The following TSHZ2 variants were observed in gnomAD, a reference collection of about 807,000 sequenced individuals.
The protein encoded by TSHZ2 is teashirt zinc finger homeobox 2.
A neutral mutation model predicts 74.4 loss-of-function variants in TSHZ2; 21 were observed. The observed-to-expected ratio is 0.28, with a 90% confidence interval of 0.20 to 0.41. The LOEUF (loss-of-function observed/expected upper bound fraction) is 0.41. Among genes scored for constraint, TSHZ2 ranks in the 10% least tolerant of loss-of-function variants. TSHZ2 has a pLI of 1.00. For synonymous variants in TSHZ2, 540 were observed against 515.3 expected (o/e 1.05, Z -0.65); for missense variants, 1,244 against 1,293.5 (o/e 0.96, Z 0.59).
At chr20:53,158,129 G>T (rs1422311534) in intron 1 of TSHZ2, among the ~76,000 whole-genome samples, 1 of 152,168 alleles carries the variant, frequency 6.6e-6, no homozygotes, top group Non-Finnish European at 1.5e-5. Flanking sequence ...AGTGTCCCAG[G>T]TGGAAGAAAA....
Position 53,363,879 on chromosome 20 carries a change from T to C in TSHZ2, c.*8+107308T>C, listed in dbSNP as rs6097374. Among the ~76,000 whole-genome samples the C allele has an allele frequency of 8.3e-3, 1,262 of 152,364 alleles. 21 individuals are homozygous for C. Among genetic ancestry groups the C allele is most frequent in the African/African-American group, 0.028 (1,183 of 41,574 alleles). ...AGAAACCTGATTCATAGAATCTCAT[T>C]CTTTTATTTGAGAAAGATTTATGGA... is the stretch of plus-strand genomic sequence containing the variant. On this transcript the variant is annotated intron_variant, in intron 2 of 2. Transcript: ENST00000371497.
At chr20:53,135,410 G>A (rs1361066092) in intron 1 of TSHZ2, among the ~76,000 whole-genome samples, 1 of 152,110 alleles carries the variant, frequency 6.6e-6, no homozygotes, top group Non-Finnish European at 1.5e-5. Flanking sequence ...AACCTTTGGG[G>A]ACTGGCTTCT....
chr20:52,979,850 G>A (rs534526786), intron 1 of TSHZ2, among the ~76,000 whole-genome samples: 1 of 152,282 alleles, frequency 6.6e-6, no homozygotes, highest in African/African-American at 2.4e-5. Context: ...CATAACAACA[G>A]GAAAACGCAC....
At chr20:53,109,381 T>G (rs1009725338) in intron 1 of TSHZ2, among the ~76,000 whole-genome samples, 1 of 152,160 alleles carries the variant, frequency 6.6e-6, no homozygotes. Flanking sequence ...GACCTATGCT[T>G]CTTTCTCAAT....
At chr20:53,153,090 A>G (rs1325423741) in intron 1 of TSHZ2, among the ~76,000 whole-genome samples, 3 of 152,220 alleles carry the variant, frequency 2.0e-5, no homozygotes, top group South Asian at 2.1e-4. Context: ...CAAAAATGAA[A>G]TCACCCATAA....
rs554357286 is a variant in TSHZ2, at chr20:53,441,048, A to G, written c.*9-46096A>G. On this transcript the variant is annotated intron_variant, in intron 2 of 2. Transcript: ENST00000371497. The stretch of plus-strand genomic sequence containing the variant: ...AAGCAATTGAGTGTAGAAGGTAACT[A>G]CAGGCTGCTCTGGATTGGGTGTTCC... 8.0e-4 allele frequency among the ~76,000 whole-genome samples: 122 copies of G among 152,258 alleles called. 1 individual carries two copies. Among genetic ancestry groups the G allele is most frequent in the Non-Finnish European group, 7.4e-5 (5 of 68,016 alleles).
At chr20:53,243,745 C>T (rs1334458236) in intron 1 of TSHZ2, among the ~76,000 whole-genome samples, 3 of 152,006 alleles carry the variant, frequency 2.0e-5, no homozygotes, top group African/African-American at 7.2e-5. Context: ...CACCAGAAAA[C>T]TAAAGTCCAG....
intron 2 of TSHZ2, among the ~76,000 whole-genome samples, chr20:53,287,127 T>C (rs145866424): frequency 7.4e-4 from 112 of 152,300 alleles, no homozygotes; most frequent in African/African-American, 2.6e-3. Flanking sequence ...TAGGAACAAA[T>C]TATTTCTTTA....
chr20:53,308,248 C>T (rs765650829), intron 2 of TSHZ2, among the ~76,000 whole-genome samples: 14 of 152,172 alleles, frequency 9.2e-5, no homozygotes, highest in Non-Finnish European at 4.4e-5. Context: ...GCATTCAGTC[C>T]TTTTTGCAGT....
intron 2 of TSHZ2, among the ~76,000 whole-genome samples, chr20:53,376,279 G>C (rs1334713996): frequency 6.6e-6 from 1 of 152,198 alleles, no homozygotes; most frequent in African/African-American, 2.4e-5. Flanking sequence ...AGGATGTGGG[G>C]CTTTCTGTGC....
Position 53,034,689 on chromosome 20 carries a change from G to A in TSHZ2, c.40+61356G>A, listed in dbSNP as rs563806368. On this transcript the variant is annotated intron_variant, in intron 1 of 2. Transcript: ENST00000371497. ...CCCAAGCATGCCAGGATTTGAGGGC[G>A]AGGGCTTCCAGGTTGAGGGAACAGC... Among the ~76,000 whole-genome samples the A allele has an allele frequency of 1.8e-4, 28 of 152,320 alleles. 1 individual carries two copies. In the South Asian group the frequency reaches 2.7e-3, roughly 15 times the overall value.
At chr20:53,163,030 T>C (rs1441690395) in intron 1 of TSHZ2, among the ~76,000 whole-genome samples, 2 of 152,252 alleles carry the variant, frequency 1.3e-5, no homozygotes, top group African/African-American at 4.8e-5. Context: ...ATTTCCTCCA[T>C]AGTCCTACTA....
At position 53,354,630 on chromosome 20, in the gene TSHZ2, A is replaced by G. The variant is rs150366558; in HGVS notation, c.*8+98059A>G. 3.5e-3 allele frequency among the ~76,000 whole-genome samples: 528 copies of G among 152,324 alleles called. 3 individuals carry two copies. Among genetic ancestry groups the G allele is most frequent in the African/African-American group, 0.012 (501 of 41,574 alleles). ...ATTATATATGTCTTGCCTGATTTTT[A>G]GTCACAGAGAAATTCCGAGATGAAA... On this transcript the variant is annotated intron_variant, in intron 2 of 2. Transcript: ENST00000371497.
At chr20:53,409,063 A>C (rs1014238967) in intron 2 of TSHZ2, among the ~76,000 whole-genome samples, 10 of 152,172 alleles carry the variant, frequency 6.6e-5, no homozygotes, top group African/African-American at 2.2e-4. Context: ...ACAACAAATA[A>C]AACATTTTAA....
chr20:53,187,044 T>C (rs925578485), intron 1 of TSHZ2, among the ~76,000 whole-genome samples: 4 of 152,170 alleles, frequency 2.6e-5, no homozygotes, highest in Non-Finnish European at 4.4e-5. Context: ...AAATGAGTTT[T>C]AAGCTGTGGA....
intron 1 of TSHZ2, among the ~76,000 whole-genome samples, chr20:53,201,623 C>T (rs1383036991): frequency 6.6e-6 from 1 of 152,174 alleles, no homozygotes; most frequent in African/African-American, 2.4e-5. Context: ...AGGTTCTGGA[C>T]ATTCGGACGT....
chr20:53,410,188 G>A (rs942075414), intron 2 of TSHZ2, among the ~76,000 whole-genome samples: 26 of 152,062 alleles, frequency 1.7e-4, no homozygotes, highest in South Asian at 2.1e-4. Flanking sequence ...ATCAGAGGGC[G>A]CATCCCAGGA....
At chr20:53,161,477 T>C (rs1987938690) in intron 1 of TSHZ2, among the ~76,000 whole-genome samples, 3 of 152,316 alleles carry the variant, frequency 2.0e-5, no homozygotes, top group Middle Eastern at 6.8e-3. Flanking sequence ...TACCTGAGAC[T>C]GGGTAATTTA....
chr20:53,216,566 A>C (rs1430065782), intron 1 of TSHZ2, among the ~76,000 whole-genome samples: 1 of 152,212 alleles, frequency 6.6e-6, no homozygotes, highest in African/African-American at 2.4e-5. Context: ...CCAGCCAGGA[A>C]CATTTTCTGG....
Sources: gnomAD v4.1 joint callset for allele counts (sites outside exome capture counted in the v4.1 genomes callset) on GRCh38, gnomAD v4.1.1 for gene constraint, MANE v1.5 for transcripts, NCBI Gene and HGNC (gene_info 2026-07-23, HGNC 2026-07-21) for gene names.